UGT3A1: variants seen among roughly 807,000 people sequenced by gnomAD.
UGT3A1 encodes the protein UDP glycosyltransferase family 3 member A1.
UGT3A1 carries 40 observed loss-of-function variants against 37.6 expected under a neutral mutation model. The ratio of observed to expected loss-of-function variants is 1.06; its 90% CI spans 0.83 to 1.38. The LOEUF (loss-of-function observed/expected upper bound fraction) is 1.38. Ranked by LOEUF, UGT3A1 falls within the 40% of genes most tolerant of loss-of-function variation. The pLI, the probability that UGT3A1 is intolerant of heterozygous loss-of-function variation, is 0.00. For synonymous variants in UGT3A1, 256 were observed against 232.3 expected (o/e 1.10, Z -0.93); for missense variants, 642 against 634.2 (o/e 1.01, Z -0.13).
intron 2 of UGT3A1, among the ~76,000 whole-genome samples, chr5:35,975,766 A>G (rs2149975649): frequency 6.6e-6 from 1 of 152,122 alleles, no homozygotes; most frequent in South Asian, 2.1e-4. Flanking sequence ...GCATATGTAT[A>G]CATGTGCCAT....
At chr5:35,988,659 G>T (rs1380053848) in intron 1 of UGT3A1, 108 bp from the exon 2 acceptor site, 4 of 798,954 alleles carry the variant, frequency 5.0e-6, no homozygotes, top group Non-Finnish European at 8.0e-6. Context: ...GCATAGGGAA[G>T]AGGAAATGTG....
In UGT3A1 at chr5:35,962,694, C is replaced by T. The variant is rs144169151; in HGVS notation, c.843+2692G>A. The T allele has an allele frequency of 1.0e-4, 58 of 569,848 alleles. No individual in the cohort carries two copies. In the African/African-American group the frequency reaches 1.0e-3, roughly 10 times the overall value. The allele number at this position is 569,848 out of a possible 1,614,324, so 35.3% of individuals were successfully genotyped here. On this transcript the variant is annotated intron_variant, in intron 4 of 6. Transcript: ENST00000274278. ...CCTCACGCCTACAGAAAATGTCCAG[C>T]TGCCAGATGGTATCACAATGAATGG...
Position 35,954,397 on chromosome 5 carries a change from G to A in UGT3A1, c.1377C>T (p.Ile459=), listed in dbSNP as rs201908500. The A allele has an allele frequency of 7.7e-5, 125 of 1,614,214 alleles. No homozygotes were observed. The East Asian group carries it at 2.1e-3, about 27-fold the overall frequency. ...CTCCCCCAGTCTGGAGGATGTGGTC[G>A]ATCCAGCCCACCAGCCGCTGTGCGG... The part of the protein sequence containing the change: ...LSPAQRLVGW[I]DHILQTGGAT... Residue 459 remains isoleucine, a synonymous_variant, in exon 7 of 7, where the codon ATC becomes ATT. Coordinates refer to ENST00000274278, the MANE Select transcript of UGT3A1 (RefSeq NM_152404.4).
At chr5:35,982,605 A>C (rs1490351676) in intron 2 of UGT3A1, among the ~76,000 whole-genome samples, 1 of 152,184 alleles carries the variant, frequency 6.6e-6, no homozygotes, top group Non-Finnish European at 1.5e-5. Context: ...TTAGATTTAA[A>C]AGGCTCATAG....
chr5:35,985,547 C>T (rs748569364), intron 2 of UGT3A1, among the ~76,000 whole-genome samples: 19 of 151,996 alleles, frequency 1.3e-4, no homozygotes, highest in Non-Finnish European at 2.5e-4. Context: ...AGATAAAAAC[C>T]TACACATGTA....
In UGT3A1 at chr5:35,981,876, A is replaced by G. The variant is rs1740537327; in HGVS notation, c.196+6574T>C. On this transcript the variant is annotated intron_variant, in intron 2 of 6. Transcript: ENST00000274278. ...ACAGGCCCAGAGGCCTAGGAGGGGA[A>G]AATGGTTTTGTGGGCTAGGCCCAGG... Among the ~76,000 whole-genome samples the G allele has an allele frequency of 3.3e-5, 5 of 152,342 alleles. No homozygotes were observed. The South Asian group carries it at 1.0e-3, about 32-fold the overall frequency.
chr5:35,996,303 A>T (rs1741094641), upstream of UGT3A1, among the ~76,000 whole-genome samples: 5 of 152,198 alleles, frequency 3.3e-5, no homozygotes, highest in South Asian at 1.0e-3. Flanking sequence ...CTATCCTGAC[A>T]AACAAATTGG....
chr5:35,978,513 A>G (rs1314415776), intron 2 of UGT3A1, among the ~76,000 whole-genome samples: 1 of 152,162 alleles, frequency 6.6e-6, no homozygotes, highest in East Asian at 1.9e-4. Flanking sequence ...TGTGTAGGGA[A>G]ACACACAAGT....
At chr5:35,996,098 C>G (rs1462900877), upstream of UGT3A1, among the ~76,000 whole-genome samples, 2 of 151,476 alleles carry the variant, frequency 1.3e-5, no homozygotes, top group African/African-American at 4.9e-5. Context: ...ACTTCTCAAA[C>G]CTCTCAGCCC....
chr5:35,960,655 G>A (rs1408120672), intron 4 of UGT3A1: 1 of 152,242 alleles, frequency 6.6e-6, no homozygotes, highest in Admixed American at 6.5e-5. Context: ...TTTTAGCTTT[G>A]CAATCTACAG....
At chr5:35,954,628 T>A in intron 6 of UGT3A1, 150 bp from the exon 7 acceptor site, 1 of 941,868 alleles carries the variant, frequency 1.1e-6, no homozygotes, top group Non-Finnish European at 1.6e-6. Context: ...TGGCATGGCC[T>A]TGCCACGGTC....
At chr5:35,957,463 C>G (rs775348590) in intron 4 of UGT3A1, 44 bp from the exon 5 acceptor site, 1 of 1,516,520 alleles carries the variant, frequency 6.6e-7, no homozygotes, top group Non-Finnish European at 9.1e-7. Flanking sequence ...AAATTGAGAA[C>G]GCCTAAGTGT....
intron 2 of UGT3A1, among the ~76,000 whole-genome samples, chr5:35,986,605 T>C (rs780213785): frequency 2.0e-5 from 3 of 152,126 alleles, no homozygotes; most frequent in Non-Finnish European, 4.4e-5. Context: ...CTCACCCATA[T>C]GCAGTAGCTT....
At chr5:36,000,071 G>A (rs1398436184) in intron 1 of UGT3A1, among the ~76,000 whole-genome samples, 15 of 152,148 alleles carry the variant, frequency 9.9e-5, no homozygotes, top group Admixed American at 9.8e-4. Flanking sequence ...CTGGTCCTCA[G>A]GCCTGGTGGA....
At chr5:35,988,196 G>A (rs985815045) in intron 2 of UGT3A1, among the ~76,000 whole-genome samples, 1 of 152,132 alleles carries the variant, frequency 6.6e-6, no homozygotes, top group South Asian at 2.1e-4. Context: ...TAATAATAAT[G>A]TGTGGAGAGT....
At position 35,957,207 on chromosome 5, in the gene UGT3A1, A is replaced by G. The variant is rs967961713; in HGVS notation, c.1056T>C (p.Leu352=). 1.2e-6 allele frequency: 2 copies of G among 1,614,060 alleles called. No individual in the cohort carries two copies. The highest frequency in any genetic ancestry group is 1.3e-5 in the African/African-American group (1 of 74,922). Residue 352 remains leucine, a synonymous_variant, in exon 5 of 7, where the codon CTT becomes CTC. Coordinates refer to ENST00000274278, the MANE Select transcript of UGT3A1 (RefSeq NM_152404.4). ...CCTTACCCAGGAGGTCACTCTGAGG[A>G]AGCCAGTCCACAATTTTCACATTTG... ...LATNVKIVDW[L]PQSDLLAHPS...
chr5:35,975,661 C>G (rs1050298810), intron 2 of UGT3A1, among the ~76,000 whole-genome samples: 18 of 139,542 alleles, frequency 1.3e-4, no homozygotes, highest in African/African-American at 4.6e-4. Context: ...AACAGTGAAG[C>G]ATTTTTTTTT....
Position 35,955,369 on chromosome 5 carries a change from A to G in UGT3A1, c.1295+276T>C. ...CCCCCGCTTCAGTTGGAATTCCACT[A>G]GAGGGACTCCCAAATATAAGATCAG... On this transcript the variant is annotated intron_variant, in intron 6 of 6. Coordinates refer to ENST00000274278, the MANE Select transcript of UGT3A1 (RefSeq NM_152404.4). 12 of 584,726 alleles carry G rather than the reference A, an allele frequency of 2.1e-5. No individual in the cohort carries two copies. In the South Asian group the frequency reaches 2.2e-4, roughly 11 times the overall value. 36.2% of individuals were successfully genotyped at this position (584,726 alleles called of 1,614,324 possible).
In UGT3A1 at chr5:35,955,678, G is replaced by C; in HGVS notation, c.1262C>G (p.Thr421Arg). Residue 421 changes from threonine to arginine, a missense_variant, in exon 6 of 7, where the codon ACA becomes AGA. Physicochemically the swap from Thr to Arg is moderately conservative, Grantham distance 71. Transcript: ENST00000274278. ...TTCTATGACTTGTTTCATTGTAAGT[G>C]TCAGTGTGTCGGCTGTGACCTGATT... ...RLNQVTADTLTLTMKQVIEDK... is the reference protein window; with the variant it reads ...RLNQVTADTLRLTMKQVIEDK... 1 of 1,614,208 alleles carries C rather than the reference G, an allele frequency of 6.2e-7. No individual in the cohort carries two copies. Among genetic ancestry groups the C allele is most frequent in the Non-Finnish European group, 8.5e-7 (1 of 1,180,042 alleles).
Sources: gnomAD v4.1 joint callset for allele counts (sites outside exome capture counted in the v4.1 genomes callset) on GRCh38, gnomAD v4.1.1 for gene constraint, MANE v1.5 for transcripts, NCBI Gene and HGNC (gene_info 2026-07-23, HGNC 2026-07-21) for gene names.